COL18A1: variants seen among roughly 807,000 people sequenced by gnomAD.
The protein encoded by COL18A1 is collagen type XVIII alpha 1 chain, also known as collagen alpha-1(XVIII) chain.
In COL18A1, 133 loss-of-function variants were observed where a neutral mutation model predicts 168.0. The observed-to-expected ratio is 0.79, with a 90% confidence interval of 0.69 to 0.91. The LOEUF (loss-of-function observed/expected upper bound fraction) is 0.91. Among genes scored for constraint, COL18A1 ranks in the 40% least tolerant of loss-of-function variants. The pLI, the probability that COL18A1 is intolerant of heterozygous loss-of-function variation, is 0.00. For synonymous variants in COL18A1, 949 were observed against 809.0 expected (o/e 1.17, Z -2.94); for missense variants, 2,126 against 1,925.4 (o/e 1.10, Z -1.95).
Position 45,488,426 on chromosome 21 carries a change from C to T in COL18A1, c.1905C>T (p.Pro635=), listed in dbSNP as rs199523495. The T allele has an allele frequency of 1.2e-3, 1,902 of 1,613,882 alleles. 2 individuals are homozygous for T. Among genetic ancestry groups the T allele is most frequent in the Non-Finnish European group, 1.5e-3 (1,714 of 1,179,988 alleles). ...CTCCTCTGCCCTGACAGGGACCTCCCGGCCTGCCGGGACTTAAGGTCAGTG... is the reference window on the plus strand; with the variant it reads ...CTCCTCTGCCCTGACAGGGACCTCCTGGCCTGCCGGGACTTAAGGTCAGTG... The part of the protein sequence containing the change: ...ARSADGPQGP[P]GLPGLKGDPG... The change falls in exon 18 of 42, where the codon CCC becomes CCT. Residue 635 remains proline, a synonymous_variant. Coordinates refer to ENST00000651438, the MANE Select transcript of COL18A1 (RefSeq NM_001379500.1).
At chr21:45,444,066 C>A (rs933306840) in intron 2 of COL18A1, among the ~76,000 whole-genome samples, 6 of 152,208 alleles carry the variant, frequency 3.9e-5, no homozygotes, top group African/African-American at 1.2e-4. Flanking sequence ...CACGCTGTCG[C>A]TCTCTCTTGT....
At chr21:45,435,368 C>G (rs1326896151) in intron 2 of COL18A1, among the ~76,000 whole-genome samples, 1 of 150,246 alleles carries the variant, frequency 6.7e-6, no homozygotes, top group Non-Finnish European at 1.5e-5. Context: ...TCCTGCAGAC[C>G]TCCAGCTGTT....
Position 45,481,953 on chromosome 21 carries a change from T to C in COL18A1, c.1612-10T>C, listed in dbSNP as rs1349092933. On this transcript the variant is annotated splice_polypyrimidine_tract_variant and intron_variant, in intron 13 of 41. Coordinates refer to ENST00000651438, the MANE Select transcript of COL18A1 (RefSeq NM_001379500.1). The stretch of plus-strand genomic sequence containing the variant: ...GCCATCAAGACCCACTATGCTCTGC[T>C]CTCCCCCAGGGACCCCCAGGCCCTC... 1.9e-6 allele frequency: 3 copies of C among 1,606,178 alleles called. No individual in the cohort carries two copies. The East Asian group carries it at 6.7e-5, about 36-fold the overall frequency.
rs2035300270 is a variant in COL18A1, at chr21:45,468,576, C to A, written c.441C>A (p.Thr147=). ...ACACAGAACCAGGTGCAGGCCAGAC[C>A]CACACAGCCGCCAGCTTCCGGCTCC... ...LLYTEPGAGQ[T]HTAASFRLPA... Residue 147 remains threonine (T), a synonymous_variant, in exon 3 of 42, where the codon ACC becomes ACA. Transcript: ENST00000651438. The A allele has an allele frequency of 6.2e-7, 1 of 1,613,668 alleles. No individual in the cohort carries two copies. Among genetic ancestry groups the A allele is most frequent in the Non-Finnish European group, 8.5e-7 (1 of 1,180,018 alleles).
chr21:45,478,118 C>A, intron 8 of COL18A1, 153 bp downstream of exon 8: 1 of 763,776 alleles, frequency 1.3e-6, no homozygotes. Context: ...GGGGTTGGTG[C>A]TGGAAGGTGG....
chr21:45,476,854 T>G (rs1294108157), intron 6 of COL18A1, among the ~76,000 whole-genome samples: 2 of 151,064 alleles, frequency 1.3e-5, no homozygotes, highest in African/African-American at 4.9e-5. Flanking sequence ...ATGTGTAGTG[T>G]GCGTATTGTG....
rs9981642 is a variant in COL18A1, at chr21:45,498,018, C to T, written c.2683+357C>T. ...GGGCCGGGGGTCGGCACTGGAGGAC[C>T]CTCTGTCGAGAAACTCTCCAGGGTT... On this transcript the variant is annotated intron_variant, in intron 32 of 41. Coordinates refer to ENST00000651438, the MANE Select transcript of COL18A1 (RefSeq NM_001379500.1). The surrounding 1 kb of genome is among the most constrained non-coding windows in gnomAD (Gnocchi z 4.5). Among the ~76,000 whole-genome samples, 82,686 of 151,946 alleles carry T rather than the reference C, an allele frequency of 0.54. 23,050 individuals carry two copies. Among genetic ancestry groups the T allele is most frequent in the African/African-American group, 0.66 (27,326 of 41,440 alleles).
chr21:45,512,863 A>C lies in COL18A1; in HGVS notation c.*465A>C. 3.9e-6 allele frequency: 1 copy of C among 258,058 alleles called. No individual in the cohort carries two copies. The highest frequency in any genetic ancestry group is 7.6e-6 in the Non-Finnish European group (1 of 131,056). The allele number at this position is 258,058 out of a possible 1,614,324, so 16.0% of individuals were successfully genotyped here. ...TGGGAGCTGAGGCCACACTCAGCAC[A>C]AGGCCATCTGGGCTCCTCCAGGGTG... On this transcript the variant is annotated 3_prime_UTR_variant, in exon 42 of 42. Coordinates refer to ENST00000651438, the MANE Select transcript of COL18A1 (RefSeq NM_001379500.1).
chr21:45,500,001 T>C (rs1175773081), intron 32 of COL18A1, among the ~76,000 whole-genome samples: 5 of 152,136 alleles, frequency 3.3e-5, no homozygotes, highest in African/African-American at 1.2e-4. Context: ...CTAAACCATG[T>C]GCCGCTTACA....
intron 2 of COL18A1, among the ~76,000 whole-genome samples, chr21:45,453,146 A>G (rs576418286): frequency 1.5e-3 from 232 of 151,672 alleles, no homozygotes; most frequent in Middle Eastern, 3.5e-3. Context: ...GAGTATTCAC[A>G]TGTGACATGT....
In COL18A1 at chr21:45,457,570, G is replaced by A. The variant is rs1273096958; in HGVS notation, c.107-10672G>A. Among the ~76,000 whole-genome samples the A allele has an allele frequency of 6.6e-6, 1 of 152,206 alleles. No individual in the cohort carries two copies. The highest frequency in any genetic ancestry group is 1.5e-5 in the Non-Finnish European group (1 of 68,036). On this transcript the variant is annotated intron_variant, in intron 2 of 41. Transcript: ENST00000651438. The surrounding 1 kb of genome is among the most constrained non-coding windows in gnomAD (Gnocchi z 4.6). ...GTTGGGGGCAGGAAGAGGAGGGAAA[G>A]GGGGACTCTTTAACCTCCTGGGGGC... is the stretch of plus-strand genomic sequence containing the variant.
chr21:45,447,724 C>T lies in COL18A1; in HGVS notation c.107-20518C>T, dbSNP rs559044090. On this transcript the variant is annotated intron_variant, in intron 2 of 41. Transcript: ENST00000651438. ...CAAAATCGGGGGACCTCTTGGCTCT[C>T]GAACTTCTTAGAGTCTTTGAAAATA... Among the ~76,000 whole-genome samples, 68 of 152,256 alleles carry T rather than the reference C, an allele frequency of 4.5e-4. 3 individuals carry two copies. Among genetic ancestry groups the T allele is most frequent in the South Asian group, 8.3e-4 (4 of 4,816 alleles).
At chr21:45,500,110 G>C (rs1015924490) in intron 32 of COL18A1, among the ~76,000 whole-genome samples, 4 of 151,514 alleles carry the variant, frequency 2.6e-5, no homozygotes, top group Non-Finnish European at 4.4e-5. Context: ...GGTGTGCTGA[G>C]TGTGTGCAGT....
intron 37 of COL18A1, chr21:45,506,483 C>A: frequency 4.2e-6 from 1 of 237,782 alleles, no homozygotes; most frequent in Non-Finnish European, 8.5e-6. Context: ...ATTGCCCCTT[C>A]CAGGACAGGC....
intron 2 of COL18A1, among the ~76,000 whole-genome samples, chr21:45,440,310 C>A (rs2034333812): frequency 6.6e-6 from 1 of 152,248 alleles, no homozygotes; most frequent in South Asian, 2.1e-4. Context: ...TTCTTGCCCA[C>A]CCACGGAGAG....
intron 18 of COL18A1, 79 bp from the exon 19 acceptor site, chr21:45,489,402 ACCCTT>A (rs2036221719): frequency 1.9e-5 from 20 of 1,027,830 alleles, no homozygotes; most frequent in Non-Finnish European, 2.1e-5. Flanking sequence ...TGGGTAACTC[ACCCTT>A]CCCTTCACCC....
In COL18A1 at chr21:45,457,936, C is replaced by T. The variant is rs1312291797; in HGVS notation, c.107-10306C>T. Among the ~76,000 whole-genome samples, 14 of 152,250 alleles carry T rather than the reference C, an allele frequency of 9.2e-5. No individual in the cohort carries two copies. Among genetic ancestry groups the T allele is most frequent in the Admixed American group, 3.9e-4 (6 of 15,300 alleles). On this transcript the variant is annotated intron_variant, in intron 2 of 41. Transcript: ENST00000651438. The surrounding 1 kb of genome is among the most constrained non-coding windows in gnomAD (Gnocchi z 4.6). ...GTGAGGGATGACGAGCTTGGTGATT[C>T]CCCTTGAGTTTCAGGCCAGTGACCG...
At chr21:45,490,195 G>A in intron 19 of COL18A1, 80 bp from the exon 20 acceptor site, 2 of 1,202,820 alleles carry the variant, frequency 1.7e-6, no homozygotes, top group South Asian at 2.6e-5. Flanking sequence ...ACGTCCACGG[G>A]TGCCCCGGAC....
intron 2 of COL18A1, among the ~76,000 whole-genome samples, chr21:45,437,505 C>T (rs1292227669): frequency 2.1e-5 from 2 of 94,424 alleles, no homozygotes; most frequent in Non-Finnish European, 4.1e-5. Flanking sequence ...CACACAGGCA[C>T]TCTCCTGCAC....
Sources: allele counts gnomAD v4.1 joint callset (sites outside exome capture counted in the v4.1 genomes callset), GRCh38; gene constraint gnomAD v4.1.1; non-coding constraint Gnocchi (gnomAD v3.1); transcripts MANE v1.5; gene names NCBI Gene and HGNC (gene_info 2026-07-23, HGNC 2026-07-21).